Variants in MACF1 observed in about 807,000 individuals in gnomAD.
MACF1 encodes microtubule-actin cross-linking factor 1.
A neutral mutation model predicts 854.8 loss-of-function variants in MACF1; 193 were observed. The ratio of observed to expected loss-of-function variants is 0.23; its 90% CI spans 0.20 to 0.25. The LOEUF (loss-of-function observed/expected upper bound fraction) is 0.25. Ranked by LOEUF, MACF1 falls within the 10% of genes least tolerant of loss-of-function variation. The probability of loss-of-function intolerance (pLI) is 1.00; values close to 1 mark genes in which losing one functional copy is unlikely to be tolerated. For missense variants in MACF1, 7,722 were observed against 8,929.1 expected (o/e 0.86, Z 5.45); for synonymous variants, 3,185 against 3,226.7 (o/e 0.99, Z 0.44).
At chr1:39,131,579 T>TA (rs1195839999) in intron 2 of MACF1, among the ~76,000 whole-genome samples, 2 of 152,242 alleles carry the variant, frequency 1.3e-5, no homozygotes, top group African/African-American at 4.8e-5. Flanking sequence ...ACATCTCACT[T>TA]ATCTTTGTAT....
intron 2 of MACF1, among the ~76,000 whole-genome samples, chr1:39,143,269 T>C (rs1299475656): frequency 6.6e-6 from 1 of 152,182 alleles, no homozygotes; most frequent in Non-Finnish European, 1.5e-5. Context: ...TGGAAGCAAG[T>C]TGGGGCTCTT....
chr1:39,450,665 G>T (rs1644324370), intron 84 of MACF1, among the ~76,000 whole-genome samples: 1 of 138,436 alleles, frequency 7.2e-6, no homozygotes, highest in South Asian at 2.3e-4. Flanking sequence ...AGGCTGGAGT[G>T]CAGTGGTGCA....
intron 2 of MACF1, among the ~76,000 whole-genome samples, chr1:39,238,644 TGCTGTGTGATGACAGGAA>T (rs1201351919): frequency 6.6e-6 from 1 of 152,172 alleles, no homozygotes; most frequent in East Asian, 1.9e-4. Context: ...TCTGCCTCAG[TGCTGTGTGATGACAGGAA>T]GCTCAGGGAG....
At chr1:39,477,090 T>TATATATACATAC (rs1350608847) in intron 97 of MACF1, among the ~76,000 whole-genome samples, 1 of 26,256 alleles carries the variant, frequency 3.8e-5, no homozygotes, top group African/African-American at 1.3e-4. Flanking sequence ...TATATATATA[T>TATATATACATAC]ACACACACAC....
rs145508527 is a variant in MACF1, at chr1:39,422,842, A to G, written c.16091A>G (p.Asn5364Ser). The G allele has an allele frequency of 2.2e-5, 35 of 1,614,114 alleles. No individual in the cohort carries two copies. Among genetic ancestry groups the G allele is most frequent in the Non-Finnish European group, 2.7e-5 (32 of 1,180,044 alleles). Residue 5364 changes from asparagine to serine, a missense_variant, in exon 60 of 101, where the codon AAT becomes AGT. Coordinates refer to ENST00000564288, the MANE Select transcript of MACF1 (RefSeq NM_001394062.1). Reference sequence around the variant, plus strand: ...GCAGATACCGAGGAGCTCATAGCCAATCAGAAACCTCCATCTGCTGAGTAT... The same window carrying G: ...GCAGATACCGAGGAGCTCATAGCCAGTCAGAAACCTCCATCTGCTGAGTAT... ...WLADTEELIA[N>S]QKPPSAEYKV...
At chr1:39,479,032 G>A (rs1357105707) in intron 97 of MACF1, among the ~76,000 whole-genome samples, 6 of 152,174 alleles carry the variant, frequency 3.9e-5, no homozygotes, top group African/African-American at 7.2e-5. Context: ...TCTTCCTATG[G>A]AATCCACATT....
chr1:39,368,754 C>T (rs370797250), intron 50 of MACF1, among the ~76,000 whole-genome samples: 4 of 152,016 alleles, frequency 2.6e-5, no homozygotes, highest in Admixed American at 6.6e-5. Flanking sequence ...GACCTGCCTC[C>T]GCCTCCCAAA....
intron 71 of MACF1, among the ~76,000 whole-genome samples, chr1:39,439,041 C>T (rs1184712499): frequency 6.6e-6 from 1 of 151,208 alleles, no homozygotes; most frequent in Non-Finnish European, 1.5e-5. Context: ...CAAGATTGCG[C>T]CACTGCACTC....
At chr1:39,463,493 A>G (rs572370164) in intron 93 of MACF1, 119 bp from the exon 94 acceptor site, 2 of 626,648 alleles carry the variant, frequency 3.2e-6, no homozygotes, top group African/African-American at 1.9e-5. Context: ...TCCATCTCAA[A>G]AAAAAAAAAA....
At chr1:39,344,881 G>A (rs1226456368) in intron 40 of MACF1, among the ~76,000 whole-genome samples, 2 of 152,114 alleles carry the variant, frequency 1.3e-5, no homozygotes, top group Non-Finnish European at 1.5e-5. Flanking sequence ...TTTCTCTGCT[G>A]TCGCTGCAAC....
At chr1:39,322,107 T>G (rs1438025854) in intron 31 of MACF1, among the ~76,000 whole-genome samples, 4 of 152,288 alleles carry the variant, frequency 2.6e-5, no homozygotes, top group East Asian at 1.9e-4. Context: ...AAGATTCTAA[T>G]CCTAACTCTG....
In MACF1 at chr1:39,417,711, TAA is replaced by T. The variant is rs1300940934; in HGVS notation, c.15817-4662_15817-4661del. 1.2e-4 allele frequency among the ~76,000 whole-genome samples: 15 copies of T among 123,550 alleles called. 1 individual carries two copies. In the East Asian group the frequency reaches 1.7e-3, roughly 14 times the overall value. The allele number at this position is 123,550 out of a possible 152,430, so 81.1% of individuals were successfully genotyped here. The stretch of plus-strand genomic sequence containing the variant: ...ACAGGAATGTGCCACCACACCCAGT[TAA>T]TTTTTTTTTTTTTTTTTTTTTTTTT... On this transcript the variant is annotated intron_variant, in intron 58 of 100. Transcript: ENST00000564288.
At chr1:39,238,037 T>C (rs1422631349) in intron 2 of MACF1, among the ~76,000 whole-genome samples, 2 of 152,254 alleles carry the variant, frequency 1.3e-5, no homozygotes, top group Middle Eastern at 3.4e-3. Flanking sequence ...AAATACAGCT[T>C]GTCTCAACTC....
chr1:39,205,518 C>CT (rs894711530), intron 1 of MACF1, among the ~76,000 whole-genome samples: 24 of 152,256 alleles, frequency 1.6e-4, no homozygotes, highest in African/African-American at 5.3e-4. Flanking sequence ...TACAGTAACT[C>CT]TTTTACCCTC....
intron 2 of MACF1, among the ~76,000 whole-genome samples, chr1:39,232,738 C>T (rs1644792092): frequency 9.7e-6 from 1 of 102,894 alleles, no homozygotes. Context: ...TACTCTCATA[C>T]TCTCTTTGTT....
rs561724314 is a variant in MACF1, at chr1:39,347,836, G to A, written c.10815+626G>A. Among the ~76,000 whole-genome samples the A allele has an allele frequency of 1.0e-3, 152 of 151,702 alleles. 1 individual carries two copies. The highest frequency in any genetic ancestry group is 2.8e-3 in the Admixed American group (43 of 15,242). On this transcript the variant is annotated intron_variant, in intron 41 of 100. Coordinates refer to ENST00000564288, the MANE Select transcript of MACF1 (RefSeq NM_001394062.1). The stretch of plus-strand genomic sequence containing the variant: ...GGAAAACAGTATGTAGAAGCAGGAT[G>A]ATACTAAAACAAACAAACAAACAAA...
At chr1:39,230,667 A>G (rs1263753430) in intron 1 of MACF1, among the ~76,000 whole-genome samples, 1 of 151,916 alleles carries the variant, frequency 6.6e-6, no homozygotes, top group Non-Finnish European at 1.5e-5. Flanking sequence ...CAGTGGGGGT[A>G]AGCTGGGCAG....
chr1:39,432,235 T>C (rs1570054460), intron 66 of MACF1, among the ~76,000 whole-genome samples: 1 of 152,004 alleles, frequency 6.6e-6, no homozygotes. Flanking sequence ...GCAGGAAGAG[T>C]GTAGTCTCAT....
rs748850024 is a variant in MACF1 at position 39,324,244 on chromosome 1, T to C, written c.4288T>C (p.Leu1430=). 10 of 1,613,206 alleles carry C rather than the reference T, an allele frequency of 6.2e-6. No homozygotes were observed. The highest frequency in any genetic ancestry group is 1.6e-4 in the Middle Eastern group (1 of 6,080). Residue 1430 remains leucine, a synonymous_variant, in exon 34 of 101, where the codon TTG becomes CTG. Coordinates refer to ENST00000564288, the MANE Select transcript of MACF1 (RefSeq NM_001394062.1). ...ACATGTGGAGAAGGTTAAAGAACTTTTGGGCTGGGTGTCTACCCTAGCGAG... is the reference window on the plus strand; with the variant it reads ...ACATGTGGAGAAGGTTAAAGAACTTCTGGGCTGGGTGTCTACCCTAGCGAG... ...QEHVEKVKEL[L]GWVSTLARNT...
Sources: allele counts gnomAD v4.1 joint callset (sites outside exome capture counted in the v4.1 genomes callset), GRCh38; gene constraint gnomAD v4.1.1; transcripts MANE v1.5; gene names NCBI Gene and HGNC (gene_info 2026-07-23, HGNC 2026-07-21).